NOS1AP: variants seen among roughly 807,000 people sequenced by gnomAD.
NOS1AP encodes carboxyl-terminal PDZ ligand of neuronal nitric oxide synthase protein.
Under a neutral mutation model 56.2 loss-of-function variants are expected in NOS1AP, and 21 were observed. The observed-to-expected ratio is 0.37, with a 90% CI of 0.26 to 0.54. The LOEUF (loss-of-function observed/expected upper bound fraction) is 0.54, where lower values mean the gene tolerates loss of function less well. Ranked by LOEUF, NOS1AP falls within the 20% of genes least tolerant of loss-of-function variation. The pLI is 0.84. For missense variants in NOS1AP, 522 were observed against 657.8 expected (o/e 0.79, Z 2.26); for synonymous variants, 270 against 274.6 (o/e 0.98, Z 0.17).
intron 6 of NOS1AP, among the ~76,000 whole-genome samples, chr1:162,350,734 C>A (rs1657463967): frequency 6.6e-6 from 1 of 152,176 alleles, no homozygotes; most frequent in Non-Finnish European, 1.5e-5. Context: ...AACTAGAATC[C>A]TCGTGTCGTA....
chr1:162,265,972 T>A (rs1396068657), intron 2 of NOS1AP, among the ~76,000 whole-genome samples: 1 of 152,198 alleles, frequency 6.6e-6, no homozygotes, highest in Non-Finnish European at 1.5e-5. Flanking sequence ...CATGGCTTTA[T>A]CCGAGGCCAG....
At chr1:162,329,377 G>GAA (rs1315079259) in intron 4 of NOS1AP, among the ~76,000 whole-genome samples, 1 of 151,584 alleles carries the variant, frequency 6.6e-6, no homozygotes, top group East Asian at 1.9e-4. Flanking sequence ...GAGAGAGAGA[G>GAA]AGAGAGAAAA....
At chr1:162,179,708 C>A (rs920248498) in intron 2 of NOS1AP, among the ~76,000 whole-genome samples, 1 of 152,086 alleles carries the variant, frequency 6.6e-6, no homozygotes, top group Non-Finnish European at 1.5e-5. Flanking sequence ...AATCCTGGAC[C>A]TAGAGGTGAG....
chr1:162,177,691 T>C lies in NOS1AP; in HGVS notation c.177+23215T>C, dbSNP rs546291361. On this transcript the variant is annotated intron_variant, in intron 2 of 9. Coordinates refer to ENST00000361897, the MANE Select transcript of NOS1AP (RefSeq NM_014697.3). ...ATTTTTCTATTTTTTAAAAAAGTAG[T>C]AAACATTATTTTTAGAGTAATTTTA... Among the ~76,000 whole-genome samples the C allele has an allele frequency of 9.3e-4, 141 of 152,350 alleles. 1 individual carries two copies. The highest frequency in any genetic ancestry group is 3.3e-3 in the African/African-American group (137 of 41,584).
intron 6 of NOS1AP, among the ~76,000 whole-genome samples, chr1:162,348,995 G>A (rs797010691): frequency 2.0e-5 from 3 of 152,300 alleles, no homozygotes; most frequent in African/African-American, 7.2e-5. Context: ...AGACCAGCCT[G>A]ACCAACATGA....
intron 2 of NOS1AP, among the ~76,000 whole-genome samples, chr1:162,285,826 A>G (rs957708630): frequency 6.6e-6 from 1 of 152,096 alleles, no homozygotes; most frequent in Admixed American, 6.5e-5. Context: ...TGGGGAAGTG[A>G]CCACCAGACT....
At position 162,368,518 on chromosome 1, in the gene NOS1AP, C is replaced by T. The variant is rs1647242121; in HGVS notation, c.*1051C>T. On this transcript the variant is annotated 3_prime_UTR_variant, in exon 10 of 10. Coordinates refer to ENST00000361897, the MANE Select transcript of NOS1AP (RefSeq NM_014697.3). ...GCTGAGACTGTGAGACTGTTTTTGTCCACTCTTCTGAATCACTGCCACTTG... is the reference window on the plus strand; with the variant it reads ...GCTGAGACTGTGAGACTGTTTTTGTTCACTCTTCTGAATCACTGCCACTTG... The T allele has an allele frequency of 6.6e-6, 1 of 152,062 alleles. No individual in the cohort carries two copies. The highest frequency in any genetic ancestry group is 1.5e-5 in the Non-Finnish European group (1 of 68,034). The allele number at this position is 152,062 out of a possible 1,614,324, so 9.4% of individuals were successfully genotyped here.
At chr1:162,101,171 C>T (rs1647240631) in intron 1 of NOS1AP, among the ~76,000 whole-genome samples, 1 of 152,158 alleles carries the variant, frequency 6.6e-6, no homozygotes, top group Non-Finnish European at 1.5e-5. Context: ...CCAGTTCAAC[C>T]AGCACCATTT....
intron 8 of NOS1AP, among the ~76,000 whole-genome samples, chr1:162,357,757 G>C (rs1212708475): frequency 6.6e-6 from 1 of 152,008 alleles, no homozygotes; most frequent in Non-Finnish European, 1.5e-5. Context: ...AATCAAGGTG[G>C]TGTTTGTACC....
At chr1:162,313,847 C>G (rs1206155165) in intron 4 of NOS1AP, among the ~76,000 whole-genome samples, 1 of 152,174 alleles carries the variant, frequency 6.6e-6, no homozygotes, top group Non-Finnish European at 1.5e-5. Flanking sequence ...TTTGTCCTTT[C>G]TGAGGGCTTT....
At chr1:162,170,402 C>T (rs1266234081) in intron 2 of NOS1AP, among the ~76,000 whole-genome samples, 1 of 152,192 alleles carries the variant, frequency 6.6e-6, no homozygotes, top group Non-Finnish European at 1.5e-5. Context: ...AGGTAGCAAG[C>T]AGCAGAGCTG....
intron 2 of NOS1AP, among the ~76,000 whole-genome samples, chr1:162,246,615 A>G (rs1005563374): frequency 2.0e-5 from 3 of 152,186 alleles, no homozygotes; most frequent in Non-Finnish European, 2.9e-5. Flanking sequence ...ATATATTAGA[A>G]ATAATACTGT....
intron 2 of NOS1AP, among the ~76,000 whole-genome samples, chr1:162,250,825 C>T (rs559896194): frequency 6.6e-6 from 1 of 152,284 alleles, no homozygotes; most frequent in South Asian, 2.1e-4. Flanking sequence ...CCTCTTATCC[C>T]TTTGTGGATA....
intron 2 of NOS1AP, among the ~76,000 whole-genome samples, chr1:162,260,425 GC>G (rs1024785080): frequency 3.2e-4 from 48 of 152,156 alleles, no homozygotes; most frequent in South Asian, 2.1e-4. Flanking sequence ...GAACCATCAA[GC>G]TTGTAACATC....
intron 1 of NOS1AP, among the ~76,000 whole-genome samples, chr1:162,149,179 G>C (rs559053453): frequency 6.6e-6 from 1 of 152,240 alleles, no homozygotes; most frequent in Non-Finnish European, 1.5e-5. Context: ...AAGGAGTGCT[G>C]TTTCAAAGTG....
chr1:162,353,727 T>C (rs1004975486), intron 6 of NOS1AP, among the ~76,000 whole-genome samples: 1 of 152,194 alleles, frequency 6.6e-6, no homozygotes, highest in Non-Finnish European at 1.5e-5. Flanking sequence ...TGATCACTGA[T>C]AGAAATTTCA....
intron 4 of NOS1AP, among the ~76,000 whole-genome samples, chr1:162,320,524 C>T (rs1444002818): frequency 6.6e-6 from 1 of 152,154 alleles, no homozygotes; most frequent in Non-Finnish European, 1.5e-5. Context: ...CCAACCACCC[C>T]CTCCCCACAT....
chr1:162,273,799 A>C (rs1654659629), intron 2 of NOS1AP, among the ~76,000 whole-genome samples: 1 of 152,218 alleles, frequency 6.6e-6, no homozygotes, highest in Non-Finnish European at 1.5e-5. Flanking sequence ...TGTGTGTATC[A>C]GTAGTTCATT....
At chr1:162,081,859 C>T (rs966811823) in intron 1 of NOS1AP, among the ~76,000 whole-genome samples, 2 of 148,818 alleles carry the variant, frequency 1.3e-5, no homozygotes, top group African/African-American at 5.0e-5. Context: ...CCACCTCAGC[C>T]TCCCAAAGTG....
Sources: allele counts gnomAD v4.1 joint callset (sites outside exome capture counted in the v4.1 genomes callset), GRCh38; gene constraint gnomAD v4.1.1; transcripts MANE v1.5; gene names NCBI Gene and HGNC (gene_info 2026-07-23, HGNC 2026-07-21).